Variants in ASPH observed in about 807,000 individuals in gnomAD.
ASPH encodes the protein aspartyl/asparaginyl beta-hydroxylase.
In ASPH, 100 loss-of-function variants were observed where a neutral mutation model predicts 118.4. The ratio of observed to expected loss-of-function variants is 0.84; its 90% CI spans 0.72 to 1.00. The LOEUF (loss-of-function observed/expected upper bound fraction) is 1.00, where lower values mean the gene tolerates loss of function less well. Among genes scored for constraint, ASPH ranks in the 50% least tolerant of loss-of-function variants. ASPH has a pLI of 0.00. For missense variants in ASPH, 920 were observed against 919.5 expected, an observed-to-expected ratio of 1.00 and a Z score of -0.01; for synonymous variants, 315 against 325.6, an observed-to-expected ratio of 0.97 and a Z score of 0.35.
chr8:61,520,154 T>C (rs926103228), intron 22 of ASPH, among the ~76,000 whole-genome samples: 3 of 152,214 alleles, frequency 2.0e-5, no homozygotes, highest in Non-Finnish European at 2.9e-5. Flanking sequence ...TATTCTATGA[T>C]TAACTGTCAA....
In ASPH at chr8:61,648,040, C is replaced by T. The variant is rs376861312; in HGVS notation, c.491-1162G>A. 9.9e-5 allele frequency among the ~76,000 whole-genome samples: 15 copies of T among 152,206 alleles called. No individual in the cohort carries two copies. The East Asian group carries it at 1.7e-3, about 18-fold the overall frequency. On this transcript the variant is annotated intron_variant, in intron 5 of 24. Coordinates refer to ENST00000379454, the MANE Select transcript of ASPH (RefSeq NM_004318.4). The stretch of plus-strand genomic sequence containing the variant: ...CAGGGATTAGGACGAGTATGGGGTC[C>T]GGATGCATGGCTGTAGATTCAGGCT...
At chr8:61,528,522 T>C (rs1188475031) in intron 21 of ASPH, among the ~76,000 whole-genome samples, 1 of 152,212 alleles carries the variant, frequency 6.6e-6, no homozygotes, top group Non-Finnish European at 1.5e-5. Flanking sequence ...ACCTATTCCT[T>C]TATTCCCTCC....
chr8:61,576,996 A>G (rs1335516561), intron 15 of ASPH, 138 bp from the exon 16 acceptor site: 1 of 667,338 alleles, frequency 1.5e-6, no homozygotes, highest in African/African-American at 1.8e-5. Context: ...TTTATCTAAG[A>G]TTTTAAAAAA....
chr8:61,678,736 C>G (rs978687932), intron 3 of ASPH, among the ~76,000 whole-genome samples: 3 of 152,114 alleles, frequency 2.0e-5, no homozygotes, highest in Non-Finnish European at 4.4e-5. Context: ...CTCCTCTTAT[C>G]TCTGATTTCC....
At chr8:61,656,606 G>T (rs541594421) in intron 3 of ASPH, 1 of 152,286 alleles carries the variant, frequency 6.6e-6, no homozygotes, top group South Asian at 2.1e-4. Flanking sequence ...GATACTGCCA[G>T]TCCACAGCAA....
rs142252626 is a variant in ASPH at position 61,647,232 on chromosome 8, A to G, written c.491-354T>C. ...ATAAATGAATTCATAATTATTACTA[A>G]TATATTTGCCTCTTCAATTATCCTC... On this transcript the variant is annotated intron_variant, in intron 5 of 24. Coordinates refer to ENST00000379454, the MANE Select transcript of ASPH (RefSeq NM_004318.4). Among the ~76,000 whole-genome samples the G allele has an allele frequency of 1.4e-3, 220 of 152,340 alleles. 1 individual carries two copies. The highest frequency in any genetic ancestry group is 4.5e-3 in the African/African-American group (188 of 41,576).
At chr8:61,680,787 A>T in intron 3 of ASPH, 181 bp downstream of exon 3, 1 of 447,320 alleles carries the variant, frequency 2.2e-6, no homozygotes, top group Non-Finnish European at 4.0e-6. Flanking sequence ...ATAAAAGTAA[A>T]TTGACATGAA....
intron 21 of ASPH, among the ~76,000 whole-genome samples, chr8:61,543,343 C>A (rs1257634895): frequency 6.6e-6 from 1 of 152,116 alleles, no homozygotes. Flanking sequence ...TCTTAAAGAA[C>A]CTATTTCCAA....
intron 21 of ASPH, among the ~76,000 whole-genome samples, chr8:61,530,531 G>C (rs1817175947): frequency 6.6e-6 from 1 of 152,146 alleles, no homozygotes; most frequent in African/African-American, 2.4e-5. Flanking sequence ...CATCTCCCCA[G>C]ACAGCCTGCT....
chr8:61,633,125 A>G (rs1856295870), intron 13 of ASPH: 1 of 154,788 alleles, frequency 6.5e-6, no homozygotes, highest in African/African-American at 2.4e-5. Flanking sequence ...ACCATTCTTT[A>G]TATTAACTGG....
intron 21 of ASPH, among the ~76,000 whole-genome samples, chr8:61,537,227 A>G (rs373657451): frequency 2.0e-5 from 3 of 152,202 alleles, no homozygotes; most frequent in African/African-American, 7.2e-5. Flanking sequence ...CCAGCTGGAA[A>G]CAGTGCACTA....
chr8:61,525,892 G>A, intron 22 of ASPH, 85 bp downstream of exon 22: 1 of 1,540,652 alleles, frequency 6.5e-7, no homozygotes. Context: ...CCCAGCTCTG[G>A]GAAGCATCAC....
intron 21 of ASPH, among the ~76,000 whole-genome samples, chr8:61,529,846 A>G (rs1816902292): frequency 6.6e-6 from 1 of 152,328 alleles, no homozygotes; most frequent in African/African-American, 2.4e-5. Flanking sequence ...GGATGGGACA[A>G]CCAAACTCTC....
At chr8:61,706,476 GA>G (rs1836728754) in intron 1 of ASPH, among the ~76,000 whole-genome samples, 1 of 142,680 alleles carries the variant, frequency 7.0e-6, no homozygotes, top group African/African-American at 2.7e-5. Context: ...GGAAGAAGAA[GA>G]AGAAAGAAGA....
chr8:61,626,176 G>A (rs1274442762), intron 13 of ASPH: 5 of 1,353,126 alleles, frequency 3.7e-6, no homozygotes, highest in Non-Finnish European at 3.8e-6. Context: ...ATCTTGATCT[G>A]CTCAGTAATT....
chr8:61,676,670 G>T (rs1410052862), intron 3 of ASPH, among the ~76,000 whole-genome samples: 1 of 152,040 alleles, frequency 6.6e-6, no homozygotes, highest in Non-Finnish European at 1.5e-5. Context: ...GTGAGTAAAA[G>T]CAGTATCAGG....
At chr8:61,556,800 T>C (rs1265599756) in intron 18 of ASPH, among the ~76,000 whole-genome samples, 1 of 152,198 alleles carries the variant, frequency 6.6e-6, no homozygotes, top group African/African-American at 2.4e-5. Flanking sequence ...TGCATGTGCA[T>C]GTAGGGAAAG....
rs139408536 is a variant in ASPH at position 61,538,789 on chromosome 8, CTT to C, written c.1764+9280_1764+9281del. 4.6e-5 allele frequency among the ~76,000 whole-genome samples: 7 copies of C among 152,314 alleles called. No homozygotes were observed. The East Asian group carries it at 1.4e-3, about 29-fold the overall frequency. ...AAACTACAATATGAAGAAAGGCAAA[CTT>C]ATATATGATGCTATTTTGGATCACA... On this transcript the variant is annotated intron_variant, in intron 21 of 24. Transcript: ENST00000379454.
In ASPH at chr8:61,576,807, G is replaced by A. The variant is rs760581343; in HGVS notation, c.1114C>T (p.Pro372Ser). 3.7e-6 allele frequency: 6 copies of A among 1,609,138 alleles called. No homozygotes were observed. Among genetic ancestry groups the A allele is most frequent in the Non-Finnish European group, 5.1e-6 (6 of 1,177,214 alleles). The change falls in exon 16 of 25, where the codon CCT becomes TCT. Residue 372 changes from proline to serine, a missense_variant. Pro to Ser is a moderately conservative substitution (Grantham distance 74). Coordinates refer to ENST00000379454, the MANE Select transcript of ASPH (RefSeq NM_004318.4). ...NAFKELVRKY[P>S]QSPRARYGKA... is the part of the protein sequence containing the mutation. ...CCATATCTTGCTCGTGGACTCTGAG[G>A]GTATTTGCGTACTAGTTCTTTAAAT...
Sources: gnomAD v4.1 joint callset for allele counts (sites outside exome capture counted in the v4.1 genomes callset) on GRCh38, gnomAD v4.1.1 for gene constraint, MANE v1.5 for transcripts, NCBI Gene and HGNC (gene_info 2026-07-23, HGNC 2026-07-21) for gene names.